The following PHF20 variants were observed in gnomAD, a reference collection of about 807,000 sequenced individuals.
PHF20 encodes the protein glioma-expressed antigen 2.
PHF20 carries 23 observed loss-of-function variants against 113.5 expected under a neutral mutation model. The observed-to-expected ratio is 0.20, with a 90% CI of 0.15 to 0.29. The LOEUF (loss-of-function observed/expected upper bound fraction) is 0.29, where lower values mean the gene tolerates loss of function less well. Ranked by LOEUF, PHF20 falls within the 10% of genes least tolerant of loss-of-function variation. The probability of loss-of-function intolerance (pLI) is 1.00; values close to 1 mark genes in which losing one functional copy is unlikely to be tolerated. For missense variants in PHF20, 943 were observed against 1,219.6 expected (o/e 0.77, Z 3.38); for synonymous variants, 434 against 457.3 (o/e 0.95, Z 0.65).
In PHF20 at chr20:35,939,097, G is replaced by A. The variant is rs746807394; in HGVS notation, c.2701G>A (p.Gly901Ser). ...RSKGDSDPKP[G>S]SPKVKEYVSK... Reference sequence around the variant, plus strand: ...CAAGGGGGACAGTGACCCCAAACCCGGCTCCCCAAAGGTATGTGGCTGCCT... The same window carrying A: ...CAAGGGGGACAGTGACCCCAAACCCAGCTCCCCAAAGGTATGTGGCTGCCT... Residue 901 changes from glycine (G) to serine (S), a missense_variant, in exon 16 of 18, where the codon GGC (glycine) becomes AGC (serine). Transcript: ENST00000374012. 5.6e-6 allele frequency: 9 copies of A among 1,605,178 alleles called. No individual in the cohort carries two copies. The highest frequency in any genetic ancestry group is 1.7e-4 in the Middle Eastern group (1 of 5,996).
chr20:35,805,291 C>T (rs749318510), intron 2 of PHF20, among the ~76,000 whole-genome samples: 4 of 151,702 alleles, frequency 2.6e-5, no homozygotes, highest in Admixed American at 6.6e-5. Flanking sequence ...TTTGACCTCC[C>T]TTGGCTTAAG....
chr20:35,794,070 G>T (rs530434714), intron 1 of PHF20, among the ~76,000 whole-genome samples: 2 of 150,466 alleles, frequency 1.3e-5, no homozygotes, highest in East Asian at 2.0e-4. Context: ...GGAGGCTGAG[G>T]TGGGTGGATC....
At chr20:35,897,056 C>T (rs1248594997) in intron 9 of PHF20, among the ~76,000 whole-genome samples, 1 of 151,980 alleles carries the variant, frequency 6.6e-6, no homozygotes, top group Non-Finnish European at 1.5e-5. Flanking sequence ...ATTTTTGAGA[C>T]AGGGTCTTAC....
intron 3 of PHF20, among the ~76,000 whole-genome samples, chr20:35,844,762 G>T (rs970157725): frequency 6.6e-6 from 1 of 152,046 alleles, no homozygotes; most frequent in East Asian, 1.9e-4. Context: ...TAAAACAAGG[G>T]TGAAGGCACT....
At chr20:35,854,935 T>C (rs893032191) in intron 4 of PHF20, among the ~76,000 whole-genome samples, 1 of 152,216 alleles carries the variant, frequency 6.6e-6, no homozygotes, top group Non-Finnish European at 1.5e-5. Context: ...TCCAAGTAGC[T>C]GAAAATGTTG....
chr20:35,841,939 C>G (rs958239506), intron 2 of PHF20, among the ~76,000 whole-genome samples: 1 of 152,086 alleles, frequency 6.6e-6, no homozygotes, highest in Non-Finnish European at 1.5e-5. Context: ...TTCTTCCTGC[C>G]TCTTGTGTGC....
At chr20:35,906,610 G>A (rs2055205518) in intron 10 of PHF20, among the ~76,000 whole-genome samples, 1 of 152,156 alleles carries the variant, frequency 6.6e-6, no homozygotes, top group Non-Finnish European at 1.5e-5. Context: ...CTCTTCTTTG[G>A]TGTCCAAAAT....
chr20:35,793,995 C>CAAAACAAAAAAAAAAAAAAA (rs1385077985), intron 1 of PHF20, among the ~76,000 whole-genome samples: 2 of 33,836 alleles, frequency 5.9e-5, no homozygotes, highest in Non-Finnish European at 1.1e-4. Context: ...GACTCTGTCT[C>CAAAACAAAAAAAAAAAAAAA]AAAAAAAAAA....
At chr20:35,883,764 C>T (rs527673626) in intron 9 of PHF20, among the ~76,000 whole-genome samples, 4 of 152,170 alleles carry the variant, frequency 2.6e-5, no homozygotes, top group African/African-American at 9.6e-5. Context: ...CTGTTGTTTT[C>T]CTGCTGAGTG....
chr20:35,827,310 G>A (rs1267412188), intron 2 of PHF20, among the ~76,000 whole-genome samples: 1 of 152,190 alleles, frequency 6.6e-6, no homozygotes, highest in African/African-American at 2.4e-5. Flanking sequence ...TATGTTTGCA[G>A]ACAAACTGTT....
chr20:35,839,875 A>T (rs17093129), intron 2 of PHF20, among the ~76,000 whole-genome samples: 7,663 of 152,292 alleles, frequency 0.05, 240 homozygotes, highest in African/African-American at 0.098. Context: ...GTTGGAATTT[A>T]AAAACTGACA....
At chr20:35,931,502 G>A (rs2055753081) in intron 15 of PHF20, 58 bp downstream of exon 15, 1 of 1,324,730 alleles carries the variant, frequency 7.5e-7, no homozygotes, top group African/African-American at 1.5e-5. Context: ...TGGGGGCTGA[G>A]TAAATCTGAG....
intron 16 of PHF20, among the ~76,000 whole-genome samples, chr20:35,940,548 C>G (rs1412823371): frequency 6.6e-6 from 1 of 152,166 alleles, no homozygotes; most frequent in Non-Finnish European, 1.5e-5. Flanking sequence ...TAACCCTTGT[C>G]TGCACTAGCC....
intron 17 of PHF20, among the ~76,000 whole-genome samples, chr20:35,945,462 G>T (rs1006076911): frequency 6.6e-6 from 1 of 152,232 alleles, no homozygotes; most frequent in Non-Finnish European, 1.5e-5. Flanking sequence ...CTTCCCTAAA[G>T]AATAGCTCAC....
At chr20:35,797,567 C>A (rs1197343283) in intron 1 of PHF20, among the ~76,000 whole-genome samples, 1 of 149,974 alleles carries the variant, frequency 6.7e-6, no homozygotes, top group Non-Finnish European at 1.5e-5. Flanking sequence ...AACCCCACCA[C>A]CAGAATAAAA....
At chr20:35,816,656 G>A (rs1230867250) in intron 2 of PHF20, among the ~76,000 whole-genome samples, 1 of 151,712 alleles carries the variant, frequency 6.6e-6, no homozygotes, top group Non-Finnish European at 1.5e-5. Flanking sequence ...GTTTCACTGT[G>A]TTGGCCAGAC....
intron 1 of PHF20, among the ~76,000 whole-genome samples, chr20:35,797,655 CTT>C (rs1183705992): frequency 4.4e-5 from 6 of 137,476 alleles, no homozygotes; most frequent in Non-Finnish European, 4.8e-5. Flanking sequence ...TGTTTTTTGG[CTT>C]TTTTTTTTTT....
intron 2 of PHF20, among the ~76,000 whole-genome samples, chr20:35,831,396 G>A (rs973834488): frequency 2.6e-5 from 4 of 152,066 alleles, no homozygotes; most frequent in Non-Finnish European, 4.4e-5. Flanking sequence ...TCAAACTCCT[G>A]GGCTCAGGGG....
chr20:35,784,349 G>A (rs549093226), intron 1 of PHF20, among the ~76,000 whole-genome samples: 1 of 151,010 alleles, frequency 6.6e-6, no homozygotes, highest in African/African-American at 2.4e-5. Context: ...ACTGCACCCG[G>A]CCACATTTTT....
Sources: allele counts gnomAD v4.1 joint callset (sites outside exome capture counted in the v4.1 genomes callset), GRCh38; gene constraint gnomAD v4.1.1; transcripts MANE v1.5; gene names NCBI Gene and HGNC (gene_info 2026-07-23, HGNC 2026-07-21).